ARHGEF17: variants seen among roughly 807,000 people sequenced by gnomAD.
ARHGEF17 encodes Rho guanine nucleotide exchange factor 17.
A neutral mutation model predicts 174.0 loss-of-function variants in ARHGEF17; 80 were observed. That is an observed-to-expected ratio of 0.46 (90% confidence interval 0.38 to 0.55). ARHGEF17 has a LOEUF of 0.55. Among genes scored for constraint, ARHGEF17 ranks in the 20% least tolerant of loss-of-function variants. The pLI is 0.00. For missense variants in ARHGEF17, 2,886 were observed against 2,839.7 expected, an observed-to-expected ratio of 1.02 and a Z score of -0.37; for synonymous variants, 1,311 against 1,189.1, an observed-to-expected ratio of 1.10 and a Z score of -2.11.
At chr11:73,327,621 C>T (rs1271863926) in intron 1 of ARHGEF17, among the ~76,000 whole-genome samples, 1 of 152,208 alleles carries the variant, frequency 6.6e-6, no homozygotes, top group Non-Finnish European at 1.5e-5. Context: ...TAGGAAGCCA[C>T]ACCTGGCAGA....
chr11:73,367,017 A>G lies in ARHGEF17; in HGVS notation c.5996-567A>G, dbSNP rs368779132. Among the ~76,000 whole-genome samples, 6 of 152,156 alleles carry G rather than the reference A, an allele frequency of 3.9e-5. No homozygotes were observed. The South Asian group carries it at 1.2e-3, about 32-fold the overall frequency. The stretch of plus-strand genomic sequence containing the variant: ...AGTATGTGCCATTGCACTCCAGCCC[A>G]GGCAACAAGAGCAAAATTCCGTCTC... On this transcript the variant is annotated intron_variant, in intron 20 of 20. Transcript: ENST00000263674.
At chr11:73,336,968 G>A (rs752605424) in intron 1 of ARHGEF17, among the ~76,000 whole-genome samples, 7 of 152,264 alleles carry the variant, frequency 4.6e-5, no homozygotes, top group Non-Finnish European at 7.3e-5. Context: ...AGCCAAGAGA[G>A]CAAGATGGAA....
rs756013977 is a variant in ARHGEF17 at position 73,360,442 on chromosome 11, C to T, written c.4329C>T (p.Pro1443=). ...PTKLELCATR[P]EGTDSYIFEF... The stretch of plus-strand genomic sequence containing the variant: ...AGCTGGAGCTGTGCGCCACTCGGCC[C>T]GAGGGCACCGACTCCTACATTTTTG... Residue 1443 remains proline, a synonymous_variant, in exon 11 of 21, where the codon CCC becomes CCT. Coordinates refer to ENST00000263674, the MANE Select transcript of ARHGEF17 (RefSeq NM_014786.4). 1.4e-5 allele frequency: 23 copies of T among 1,613,936 alleles called. No homozygotes were observed. In the East Asian group the frequency reaches 1.6e-4, roughly 11 times the overall value.
intron 1 of ARHGEF17, among the ~76,000 whole-genome samples, chr11:73,341,275 A>G (rs1865363756): frequency 6.6e-6 from 1 of 152,202 alleles, no homozygotes; most frequent in Non-Finnish European, 1.5e-5. Flanking sequence ...TAAGGAGGTG[A>G]CATTTGCACT....
intron 1 of ARHGEF17, among the ~76,000 whole-genome samples, chr11:73,325,526 C>T (rs1565192019): frequency 6.6e-6 from 1 of 152,168 alleles, no homozygotes; most frequent in Non-Finnish European, 1.5e-5. Flanking sequence ...TGAGGAGCAT[C>T]GCATATAGGC....
chr11:73,331,064 C>G (rs755114812), intron 1 of ARHGEF17, among the ~76,000 whole-genome samples: 4 of 152,148 alleles, frequency 2.6e-5, no homozygotes, highest in Non-Finnish European at 4.4e-5. Flanking sequence ...CCTCTTCTCC[C>G]TACCGTGAGG....
rs1383415531 is a variant in ARHGEF17, at chr11:73,360,338, C to T, written c.4225C>T (p.Arg1409Trp). The T allele has an allele frequency of 4.3e-6, 7 of 1,613,712 alleles. No individual in the cohort carries two copies. Among genetic ancestry groups the T allele is most frequent in the Admixed American group, 1.7e-5 (1 of 60,034 alleles). ...FPHQSLDDALRDLSAAMHRDL... is the reference protein window; with the variant it reads ...FPHQSLDDALWDLSAAMHRDL... ...CCCACAGAGCCTGGACGATGCACTG[C>T]GGGACCTCTCAGCTGCCATGCACCG... The change falls in exon 11 of 21, where the codon CGG (arginine) becomes TGG (tryptophan). Residue 1409 changes from arginine (R) to tryptophan (W), a missense_variant. Around this residue, in one of 4 missense-constraint regions of ARHGEF17, gnomAD observed 476 missense variants for 473.1 expected, o/e 1.01. Transcript: ENST00000263674.
chr11:73,333,830 T>TG (rs1006876369), intron 1 of ARHGEF17, among the ~76,000 whole-genome samples: 1 of 152,178 alleles, frequency 6.6e-6, no homozygotes, highest in Non-Finnish European at 1.5e-5. Context: ...TCTGCCACCC[T>TG]GGGGGTCATG....
chr11:73,320,339 A>AT (rs1207359690), intron 1 of ARHGEF17, among the ~76,000 whole-genome samples: 6 of 151,940 alleles, frequency 3.9e-5, no homozygotes, highest in African/African-American at 1.5e-4. Context: ...TATTGTTAAG[A>AT]TTATTTTGTT....
At chr11:73,323,678 C>T (rs1225486985) in intron 1 of ARHGEF17, among the ~76,000 whole-genome samples, 1 of 152,256 alleles carries the variant, frequency 6.6e-6, no homozygotes, top group Non-Finnish European at 1.5e-5. Flanking sequence ...AGGCTTCTCC[C>T]CAAGGCCAGC....
chr11:73,336,175 C>T (rs1865283778), intron 1 of ARHGEF17, among the ~76,000 whole-genome samples: 1 of 152,196 alleles, frequency 6.6e-6, no homozygotes, highest in African/African-American at 2.4e-5. Context: ...GGTCAAATCC[C>T]AGCTTTGCCA....
intron 1 of ARHGEF17, among the ~76,000 whole-genome samples, chr11:73,320,356 C>T (rs1427699889): frequency 6.6e-6 from 1 of 151,928 alleles, no homozygotes; most frequent in Non-Finnish European, 1.5e-5. Context: ...TGTTTTTCGG[C>T]CGGGCGCTGT....
chr11:73,353,196 C>G lies in ARHGEF17; in HGVS notation c.3453+184C>G, dbSNP rs1865585024. 1.2e-5 allele frequency: 9 copies of G among 736,836 alleles called. No homozygotes were observed. In the South Asian group the frequency reaches 1.7e-4, roughly 14 times the overall value. The allele number at this position is 736,836 out of a possible 1,614,324, so 45.6% of individuals were successfully genotyped here. A position where few individuals can be genotyped will look rare whatever the true frequency, so the allele number is the denominator to read the frequency against. ...CCCTGGGTGGACCTGAACTTGGACA[C>G]TCCCCTACCCCAAAGCTTGGCCAGA... On this transcript the variant is annotated intron_variant, in intron 3 of 20. Transcript: ENST00000263674.
In ARHGEF17 at chr11:73,362,214, C is replaced by A; in HGVS notation, c.4669C>A (p.Pro1557Thr). 6.5e-7 allele frequency: 1 copy of A among 1,549,546 alleles called. No individual in the cohort carries two copies. Among genetic ancestry groups the A allele is most frequent in the Non-Finnish European group, 8.7e-7 (1 of 1,152,298 alleles). Residue 1557 changes from proline (P) to threonine (T), a missense_variant, in exon 13 of 21, where the codon CCC (proline) becomes ACC (threonine). Physicochemically the swap from Pro to Thr is conservative, Grantham distance 38. Around this residue, in one of 4 missense-constraint regions of ARHGEF17, gnomAD observed 476 missense variants for 473.1 expected, o/e 1.01. Coordinates refer to ENST00000263674, the MANE Select transcript of ARHGEF17 (RefSeq NM_014786.4). ...SARILCIGAV[P>T]GLQPRCHREP... Reference sequence around the variant, plus strand: ...CCGCATCCTCTGCATCGGGGCGGTGCCCGGGCTGCAGCCTCGCTGCCACCG... The same window carrying A: ...CCGCATCCTCTGCATCGGGGCGGTGACCGGGCTGCAGCCTCGCTGCCACCG...
Position 73,317,265 on chromosome 11 carries a change from C to T in ARHGEF17, c.3192+5435C>T, listed in dbSNP as rs185574147. On this transcript the variant is annotated intron_variant, in intron 1 of 20. Transcript: ENST00000263674. The stretch of plus-strand genomic sequence containing the variant: ...ATGACACCCATTTAGCTCCAGCGTG[C>T]ATGTCTCCTGGGACAGGGAGCTCAT... Among the ~76,000 whole-genome samples the T allele has an allele frequency of 7.5e-4, 115 of 152,324 alleles. 2 individuals are homozygous for T. Among genetic ancestry groups the T allele is most frequent in the African/African-American group, 2.7e-3 (111 of 41,564 alleles).
intron 20 of ARHGEF17, among the ~76,000 whole-genome samples, chr11:73,366,908 C>T (rs984437902): frequency 5.3e-5 from 8 of 152,040 alleles, no homozygotes; most frequent in Non-Finnish European, 1.2e-4. Context: ...GGTGTGGTGG[C>T]GGGCGCCTGT....
rs76862133 is a variant in ARHGEF17, at chr11:73,333,398, C to T, written c.3193-13485C>T. On this transcript the variant is annotated intron_variant, in intron 1 of 20. Coordinates refer to ENST00000263674, the MANE Select transcript of ARHGEF17 (RefSeq NM_014786.4). ...CGCGCGCGCACTCACACGTAACTAT[C>T]GCTGTCCAGGCATTAGGGCTGGTCA... 4.8e-3 allele frequency among the ~76,000 whole-genome samples: 735 copies of T among 152,398 alleles called. 3 individuals carry two copies. The highest frequency in any genetic ancestry group is 0.016 in the South Asian group (77 of 4,832).
intron 1 of ARHGEF17, among the ~76,000 whole-genome samples, chr11:73,332,695 T>A (rs1332071276): frequency 1.3e-5 from 2 of 151,922 alleles, no homozygotes; most frequent in South Asian, 2.1e-4. Flanking sequence ...CCACACCTCT[T>A]CCTTCTGGGG....
At position 73,367,853 on chromosome 11, in the gene ARHGEF17, C is replaced by A. The variant is rs1471323540; in HGVS notation, c.*73C>A. Reference sequence around the variant, plus strand: ...TGCTTGCCTCTCCCTAGCCCACACGCAGACTTTGACCAGGAGTATCCAGCC... The same window carrying A: ...TGCTTGCCTCTCCCTAGCCCACACGAAGACTTTGACCAGGAGTATCCAGCC... On this transcript the variant is annotated 3_prime_UTR_variant, in exon 21 of 21. Transcript: ENST00000263674. The A allele has an allele frequency of 2.0e-6, 3 of 1,476,040 alleles. No individual in the cohort carries two copies. Among genetic ancestry groups the A allele is most frequent in the Non-Finnish European group, 2.8e-6 (3 of 1,085,250 alleles). The allele number at this position is 1,476,040 out of a possible 1,614,324, so 91.4% of individuals were successfully genotyped here.
Sources: allele counts gnomAD v4.1 joint callset (sites outside exome capture counted in the v4.1 genomes callset), GRCh38; gene constraint gnomAD v4.1.1; regional missense constraint gnomAD v4.1.1; transcripts MANE v1.5; gene names NCBI Gene and HGNC (gene_info 2026-07-23, HGNC 2026-07-21).